Variants in NEGR1 observed in about 807,000 individuals in gnomAD.
NEGR1 encodes the protein IgLON family member 4.
A neutral mutation model predicts 40.9 loss-of-function variants in NEGR1; 10 were observed. The ratio of observed to expected loss-of-function variants is 0.24; its 90% confidence interval spans 0.15 to 0.42. The LOEUF (loss-of-function observed/expected upper bound fraction) is 0.42, where lower values mean the gene tolerates loss of function less well. Among genes scored for constraint, NEGR1 ranks in the 10% least tolerant of loss-of-function variants. NEGR1 has a pLI of 1.00. For missense variants in NEGR1, 352 were observed against 438.9 expected (o/e 0.80, Z 1.77); for synonymous variants, 185 against 166.8 (o/e 1.11, Z -0.84).
intron 4 of NEGR1, among the ~76,000 whole-genome samples, chr1:71,625,978 T>G (rs557260201): frequency 1.3e-5 from 2 of 151,932 alleles, no homozygotes; most frequent in African/African-American, 4.8e-5. Context: ...CATATTCTAA[T>G]AGGAGTGTGA....
At chr1:71,708,901 T>C (rs2101640647) in intron 3 of NEGR1, among the ~76,000 whole-genome samples, 1 of 152,344 alleles carries the variant, frequency 6.6e-6, no homozygotes, top group South Asian at 2.1e-4. Context: ...TCCTTCCATG[T>C]CCCTGCAAAG....
intron 4 of NEGR1, among the ~76,000 whole-genome samples, chr1:71,671,928 C>G (rs1652450774): frequency 7.3e-6 from 1 of 136,704 alleles, no homozygotes; most frequent in South Asian, 2.3e-4. Context: ...AGAGACAGCT[C>G]TCATTCTATT....
intron 2 of NEGR1, among the ~76,000 whole-genome samples, chr1:71,782,351 G>A (rs1294387922): frequency 2.0e-5 from 3 of 152,092 alleles, no homozygotes; most frequent in African/African-American, 7.2e-5. Context: ...AAGCCATCTA[G>A]TTTATGGCAT....
chr1:71,713,528 GAC>G (rs1253835831), intron 3 of NEGR1, among the ~76,000 whole-genome samples: 4 of 152,144 alleles, frequency 2.6e-5, no homozygotes, highest in Non-Finnish European at 5.9e-5. Context: ...AGAATATAAA[GAC>G]ACAGATATTT....
At chr1:71,761,352 G>A (rs929182030) in intron 3 of NEGR1, among the ~76,000 whole-genome samples, 6 of 152,140 alleles carry the variant, frequency 3.9e-5, no homozygotes, top group African/African-American at 1.4e-4. Flanking sequence ...AAAGACAGCA[G>A]GACACTTTGG....
At chr1:71,556,487 C>A (rs540047853) in intron 6 of NEGR1, among the ~76,000 whole-genome samples, 1 of 151,470 alleles carries the variant, frequency 6.6e-6, no homozygotes, top group Admixed American at 6.6e-5. Context: ...ATTTTAGAAG[C>A]GTTTGCTATG....
At chr1:71,699,921 G>A (rs760082184) in intron 3 of NEGR1, among the ~76,000 whole-genome samples, 84 of 151,678 alleles carry the variant, frequency 5.5e-4, no homozygotes, top group Admixed American at 3.6e-3. Context: ...TTCTCTTCCC[G>A]CCATCATTTC....
At chr1:71,761,675 C>A (rs1357347983) in intron 3 of NEGR1, among the ~76,000 whole-genome samples, 1 of 152,082 alleles carries the variant, frequency 6.6e-6, no homozygotes, top group Non-Finnish European at 1.5e-5. Flanking sequence ...TAATGACTGA[C>A]ATCTTTTATT....
rs565392000 is a variant in NEGR1, at chr1:71,865,749, T to C, written c.409+69330A>G. On this transcript the variant is annotated intron_variant, in intron 2 of 6. Transcript: ENST00000357731. ...CATGTATCCCAGAACTTAAGTATAT[T>C]AAAAAAGAGTAGAATGCCATTGCAT... Among the ~76,000 whole-genome samples, 9 of 152,276 alleles carry C rather than the reference T, an allele frequency of 5.9e-5. No individual in the cohort carries two copies. The South Asian group carries it at 1.9e-3, about 32-fold the overall frequency.
intron 6 of NEGR1, chr1:71,477,270 T>C (rs1646827593): frequency 6.6e-6 from 1 of 152,150 alleles, no homozygotes. Flanking sequence ...TTTTGTTGAC[T>C]TTCACTGGAA....
chr1:71,629,806 T>C (rs1650913973), intron 4 of NEGR1, among the ~76,000 whole-genome samples: 1 of 151,958 alleles, frequency 6.6e-6, no homozygotes, highest in Non-Finnish European at 1.5e-5. Flanking sequence ...CTCTAGACTT[T>C]TTAAAAACTC....
intron 1 of NEGR1, among the ~76,000 whole-genome samples, chr1:72,052,911 A>C (rs1647075618): frequency 6.6e-6 from 1 of 151,444 alleles, no homozygotes; most frequent in Admixed American, 6.6e-5. Context: ...TGACTGTACT[A>C]ATTAAGAACC....
intron 2 of NEGR1, among the ~76,000 whole-genome samples, chr1:71,869,475 C>A (rs1380708735): frequency 1.3e-5 from 2 of 152,056 alleles, no homozygotes; most frequent in African/African-American, 4.8e-5. Flanking sequence ...TACCAAAATT[C>A]TGGAAAACAG....
intron 4 of NEGR1, among the ~76,000 whole-genome samples, chr1:71,661,650 A>C (rs1192658731): frequency 2.6e-5 from 4 of 152,242 alleles, no homozygotes; most frequent in Non-Finnish European, 5.9e-5. Flanking sequence ...GTACATGTTC[A>C]AAGTCAGATA....
At position 72,046,311 on chromosome 1, in the gene NEGR1, A is replaced by G. The variant is rs144729099; in HGVS notation, c.177-111000T>C. 2.3e-3 allele frequency among the ~76,000 whole-genome samples: 346 copies of G among 151,826 alleles called. 8 individuals are homozygous for G. In the East Asian group the frequency reaches 0.054, roughly 24 times the overall value. On this transcript the variant is annotated intron_variant, in intron 1 of 6. Transcript: ENST00000357731. ...AAATATTTTTGAAGGAGCATGAAGAAAAACAAAGCCAAGTAAAGAAAGAAC... is the reference window on the plus strand; with the variant it reads ...AAATATTTTTGAAGGAGCATGAAGAGAAACAAAGCCAAGTAAAGAAAGAAC...
At chr1:71,606,068 A>G (rs977101752) in intron 5 of NEGR1, among the ~76,000 whole-genome samples, 2 of 152,188 alleles carry the variant, frequency 1.3e-5, no homozygotes, top group African/African-American at 4.8e-5. Context: ...GGGCATCCAA[A>G]GTCCTATTAA....
intron 1 of NEGR1, among the ~76,000 whole-genome samples, chr1:72,049,160 G>T (rs908575937): frequency 2.0e-5 from 3 of 151,216 alleles, no homozygotes; most frequent in Non-Finnish European, 4.4e-5. Context: ...CGTCTCTAAA[G>T]AAATAAAAAT....
chr1:71,473,509 A>G (rs1434381972), intron 6 of NEGR1, among the ~76,000 whole-genome samples: 1 of 152,134 alleles, frequency 6.6e-6, no homozygotes, highest in Non-Finnish European at 1.5e-5. Flanking sequence ...GATCTTTTTT[A>G]TGGAGGCCAT....
chr1:72,131,690 T>C (rs1203239860), intron 1 of NEGR1, among the ~76,000 whole-genome samples: 1 of 152,170 alleles, frequency 6.6e-6, no homozygotes, highest in Non-Finnish European at 1.5e-5. Context: ...AACCTTATAA[T>C]GTTAAATGTA....
Sources: gnomAD v4.1 joint callset for allele counts (sites outside exome capture counted in the v4.1 genomes callset) on GRCh38, gnomAD v4.1.1 for gene constraint, MANE v1.5 for transcripts, NCBI Gene and HGNC (gene_info 2026-07-23, HGNC 2026-07-21) for gene names.